The following PRICKLE1 variants were observed in gnomAD, a reference collection of about 807,000 sequenced individuals.
PRICKLE1 encodes the protein prickle-like protein 1.
In PRICKLE1, 14 loss-of-function variants were observed where a neutral mutation model predicts 70.2. The ratio of observed to expected loss-of-function variants is 0.20; its 90% CI spans 0.13 to 0.31. The LOEUF is 0.31. PRICKLE1 is among the 10% of genes least tolerant of loss of function. PRICKLE1 has a pLI of 1.00. For synonymous variants in PRICKLE1, 357 were observed against 379.9 expected (o/e 0.94, Z 0.70); for missense variants, 821 against 1,026.2 (o/e 0.80, Z 2.73).
chr12:42,564,233 C>T (rs1466087125), intron 1 of PRICKLE1, among the ~76,000 whole-genome samples: 1 of 113,778 alleles, frequency 8.8e-6, no homozygotes, highest in Non-Finnish European at 1.7e-5. Flanking sequence ...TCCAGCTTGG[C>T]AACAGAGGGA....
chr12:42,465,031 G>T lies in PRICKLE1; in HGVS notation c.1003C>A (p.Arg335=), dbSNP rs1469287742. 1 of 1,595,522 alleles carries T rather than the reference G, an allele frequency of 6.3e-7. No individual in the cohort carries two copies. The highest frequency in any genetic ancestry group is 8.5e-7 in the Non-Finnish European group (1 of 1,171,814). ...ARSRDSRRSV[R]MGKSSRSADQ... ...GCTGACCGGCTGCTCTTGCCCATTCGGACACTTCTTCGGGAGTCTCTTGAT... is the reference window on the plus strand; with the variant it reads ...GCTGACCGGCTGCTCTTGCCCATTCTGACACTTCTTCGGGAGTCTCTTGAT... Residue 335 remains arginine, a synonymous_variant, in exon 7 of 8, where the codon CGA becomes AGA. Transcript: ENST00000345127.
chr12:42,469,713 C>T (rs79916594), intron 3 of PRICKLE1, 126 bp from the exon 4 acceptor site: 21 of 1,223,114 alleles, frequency 1.7e-5, no homozygotes, highest in East Asian at 7.2e-5. Context: ...CACACCCCCA[C>T]GATTTTAAAA....
intron 1 of PRICKLE1, among the ~76,000 whole-genome samples, chr12:42,506,058 G>A (rs995927383): frequency 5.3e-5 from 8 of 152,204 alleles, no homozygotes; most frequent in African/African-American, 4.8e-5. Context: ...TGGTTAAGGC[G>A]AAATTCTACC....
intron 1 of PRICKLE1, among the ~76,000 whole-genome samples, chr12:42,536,993 A>G (rs1940026060): frequency 6.6e-6 from 1 of 152,226 alleles, no homozygotes; most frequent in African/African-American, 2.4e-5. Context: ...TAATCCACCT[A>G]TAGAGTTGTT....
intron 5 of PRICKLE1, among the ~76,000 whole-genome samples, chr12:42,467,898 A>G (rs947019723): frequency 6.6e-6 from 1 of 152,258 alleles, no homozygotes; most frequent in African/African-American, 2.4e-5. Flanking sequence ...AGTAAATGCA[A>G]TGAAGCACCC....
chr12:42,465,237 G>A lies in PRICKLE1; in HGVS notation c.797C>T (p.Thr266Ile). The A allele has an allele frequency of 6.2e-7, 1 of 1,614,098 alleles. No homozygotes were observed. Among genetic ancestry groups the A allele is most frequent in the Non-Finnish European group, 8.5e-7 (1 of 1,180,028 alleles). ...EHIGVDHAQM[T>I]YDGQHWHATE... The stretch of plus-strand genomic sequence containing the variant: ...GGCGTGCCAGTGCTGCCCGTCATAG[G>A]TCATCTGTGCATGGTCCACACCTGT... The change falls in exon 7 of 8, where the codon ACC (threonine) becomes ATC (isoleucine). Residue 266 changes from threonine (T) to isoleucine (I), a missense_variant. Transcript: ENST00000345127.
chr12:42,504,107 G>A (rs1939363003), intron 1 of PRICKLE1, among the ~76,000 whole-genome samples: 1 of 152,152 alleles, frequency 6.6e-6, no homozygotes, highest in African/African-American at 2.4e-5. Flanking sequence ...AGGAAAATGA[G>A]ATATGAAGAA....
At chr12:42,495,380 C>CAA (rs756105644) in intron 1 of PRICKLE1, among the ~76,000 whole-genome samples, 90 of 68,642 alleles carry the variant, frequency 1.3e-3, no homozygotes, top group Middle Eastern at 8.1e-3. Context: ...GACCTTGTCT[C>CAA]AAAAAAAAAA....
In PRICKLE1 at chr12:42,466,205, C is replaced by T. The variant is rs1051639607; in HGVS notation, c.764G>A (p.Gly255Glu). 1 of 1,614,010 alleles carries T rather than the reference C, an allele frequency of 6.2e-7. No individual in the cohort carries two copies. Among genetic ancestry groups the T allele is most frequent in the Non-Finnish European group, 8.5e-7 (1 of 1,180,028 alleles). The part of the protein sequence containing the change: ...SLYAEYCETC[G>E]EHIGVDHAQM... The stretch of plus-strand genomic sequence containing the variant: ...GGCTGTGGACTTACCAATATGTTCC[C>T]CACAGGTTTCACAGTACTCCGCATA... The change falls in exon 6 of 8, where the codon GGG (glycine) becomes GAG (glutamate). Residue 255 changes from glycine (G) to glutamate (E), a missense_variant. Physicochemically the swap from Gly to Glu is moderately conservative, Grantham distance 98. Coordinates refer to ENST00000345127, the MANE Select transcript of PRICKLE1 (RefSeq NM_153026.3).
At chr12:42,516,132 T>C (rs761090064) in intron 1 of PRICKLE1, among the ~76,000 whole-genome samples, 69 of 152,098 alleles carry the variant, frequency 4.5e-4, no homozygotes, top group Non-Finnish European at 8.4e-4. Context: ...TTCCATTTCT[T>C]CTTTCACTTT....
At chr12:42,542,102 C>T (rs1363963272) in intron 1 of PRICKLE1, among the ~76,000 whole-genome samples, 2 of 152,126 alleles carry the variant, frequency 1.3e-5, no homozygotes, top group African/African-American at 4.8e-5. Flanking sequence ...TTTCAGCAGC[C>T]TAGTAAGGAG....
At chr12:42,554,508 C>T (rs1006158213) in intron 1 of PRICKLE1, among the ~76,000 whole-genome samples, 2 of 152,148 alleles carry the variant, frequency 1.3e-5, no homozygotes, top group Non-Finnish European at 2.9e-5. Context: ...ATGGAATAGA[C>T]ACTGATGTCT....
intron 1 of PRICKLE1, among the ~76,000 whole-genome samples, chr12:42,513,020 C>CA (rs1220050895): frequency 6.6e-6 from 1 of 152,020 alleles, no homozygotes; most frequent in Non-Finnish European, 1.5e-5. Flanking sequence ...GGCTGGAGTG[C>CA]AATGGCACCA....
chr12:42,570,951 G>T (rs1274280796), intron 1 of PRICKLE1, among the ~76,000 whole-genome samples: 1 of 152,082 alleles, frequency 6.6e-6, no homozygotes, highest in Non-Finnish European at 1.5e-5. Context: ...TAACTATATT[G>T]TATATCTGCT....
rs114695867 is a variant in PRICKLE1, at chr12:42,581,429, T to C, written c.-49+8036A>G. Among the ~76,000 whole-genome samples the C allele has an allele frequency of 8.2e-3, 1,248 of 151,822 alleles. 22 individuals carry two copies. Among genetic ancestry groups the C allele is most frequent in the African/African-American group, 0.028 (1,173 of 41,378 alleles). On this transcript the variant is annotated intron_variant, in intron 1 of 7. Transcript: ENST00000345127. ...TCTGCTTGAGAAAAAACAGGATAAA[T>C]TGACAAAGTATTTCATTAAAGGTTA... is the stretch of plus-strand genomic sequence containing the variant.
Position 42,488,960 on chromosome 12 carries a change from G to C in PRICKLE1, c.-48-16396C>G, listed in dbSNP as rs368499575. Among the ~76,000 whole-genome samples the C allele has an allele frequency of 5.3e-5, 6 of 112,346 alleles. No individual in the cohort carries two copies. The East Asian group carries it at 1.5e-3, about 27-fold the overall frequency. 73.7% of individuals were successfully genotyped at this position (112,346 alleles called of 152,430 possible). A position where few individuals can be genotyped will look rare whatever the true frequency, so the allele number is the denominator to read the frequency against. On this transcript the variant is annotated intron_variant, in intron 1 of 7. Transcript: ENST00000345127. Reference sequence around the variant, plus strand: ...TTTTTTAAGACAGAGTTTCGCTCTTGTTGCCCAGGCTGCAGTGCAATGGCA... The same window carrying C: ...TTTTTTAAGACAGAGTTTCGCTCTTCTTGCCCAGGCTGCAGTGCAATGGCA...
chr12:42,463,902 TATTTTATGCACATGCACTC>T (rs1476274995), intron 7 of PRICKLE1, among the ~76,000 whole-genome samples: 1 of 152,260 alleles, frequency 6.6e-6, no homozygotes, highest in Non-Finnish European at 1.5e-5. Context: ...ACTGTAAATA[TATTTTATGCACATGCACTC>T]ACCTCACACA....
At chr12:42,561,587 G>C (rs1487471111) in intron 1 of PRICKLE1, among the ~76,000 whole-genome samples, 1 of 152,048 alleles carries the variant, frequency 6.6e-6, no homozygotes, top group Non-Finnish European at 1.5e-5. Flanking sequence ...ATTTTTTAAG[G>C]CTCAAAATAG....
chr12:42,483,339 T>G (rs1484666825), intron 1 of PRICKLE1: 1 of 151,572 alleles, frequency 6.6e-6, no homozygotes, highest in African/African-American at 2.4e-5. Context: ...CGCCGCCGGC[T>G]GCCATCCAGC....
Sources: allele counts gnomAD v4.1 joint callset (sites outside exome capture counted in the v4.1 genomes callset), GRCh38; gene constraint gnomAD v4.1.1; transcripts MANE v1.5; gene names NCBI Gene and HGNC (gene_info 2026-07-23, HGNC 2026-07-21).